PIP5K1B: variants seen among roughly 807,000 people sequenced by gnomAD.
PIP5K1B encodes phosphatidylinositol-4-phosphate 5-kinase type 1 beta, also known as phosphatidylinositol 4-phosphate 5-kinase type-1 beta.
PIP5K1B carries 42 observed loss-of-function variants against 67.0 expected under a neutral mutation model. The ratio of observed to expected loss-of-function variants is 0.63; its 90% CI spans 0.49 to 0.81. PIP5K1B has a LOEUF of 0.81. PIP5K1B is among the 30% of genes least tolerant of loss of function. PIP5K1B has a pLI of 0.00. For missense variants in PIP5K1B, 459 were observed against 646.3 expected (o/e 0.71, Z 3.14); for synonymous variants, 214 against 231.4 (o/e 0.92, Z 0.68).
chr9:68,778,611 A>G lies in PIP5K1B; in HGVS notation c.-86+35954A>G, dbSNP rs149090177. Among the ~76,000 whole-genome samples, 1,023 of 152,274 alleles carry G rather than the reference A, an allele frequency of 6.7e-3. 6 individuals are homozygous for G. Among genetic ancestry groups the G allele is most frequent in the Non-Finnish European group, 0.011 (726 of 68,004 alleles). On this transcript the variant is annotated intron_variant, in intron 2 of 15. Coordinates refer to ENST00000265382, the MANE Select transcript of PIP5K1B (RefSeq NM_003558.4). Reference sequence around the variant, plus strand: ...ACCCTAGTCCAAGAATCTTATCTGTACTGTTGCCATAGGTCCTGAATTCAT... The same window carrying G: ...ACCCTAGTCCAAGAATCTTATCTGTGCTGTTGCCATAGGTCCTGAATTCAT...
At chr9:68,797,983 A>G (rs1272440878) in intron 2 of PIP5K1B, among the ~76,000 whole-genome samples, 1 of 152,258 alleles carries the variant, frequency 6.6e-6, no homozygotes, top group East Asian at 1.9e-4. Context: ...TATTTTCCAC[A>G]TTAAATAAGG....
chr9:68,797,090 G>A (rs1368366252), intron 2 of PIP5K1B, among the ~76,000 whole-genome samples: 1 of 152,196 alleles, frequency 6.6e-6, no homozygotes, highest in Non-Finnish European at 1.5e-5. Flanking sequence ...TGTGGTGAAT[G>A]AATACTTACT....
At chr9:68,902,816 G>A (rs574002617) in intron 8 of PIP5K1B, among the ~76,000 whole-genome samples, 15 of 152,264 alleles carry the variant, frequency 9.9e-5, no homozygotes, top group African/African-American at 1.4e-4. Context: ...TGGTAAGTGT[G>A]TATTTAAGTC....
At chr9:68,781,174 G>C (rs1304201952) in intron 2 of PIP5K1B, 1 of 1,111,820 alleles carries the variant, frequency 9.0e-7, no homozygotes, top group Non-Finnish European at 1.3e-6. Context: ...TGTTATTCTA[G>C]AGAACTTCTA....
At chr9:68,733,956 G>T (rs541696736) in intron 1 of PIP5K1B, among the ~76,000 whole-genome samples, 1 of 152,094 alleles carries the variant, frequency 6.6e-6, no homozygotes, top group Non-Finnish European at 1.5e-5. Flanking sequence ...ACTCTTTAAA[G>T]GATCATTTAA....
At chr9:68,943,803 C>G (rs565665886) in intron 14 of PIP5K1B, among the ~76,000 whole-genome samples, 2 of 152,254 alleles carry the variant, frequency 1.3e-5, no homozygotes, top group South Asian at 4.1e-4. Context: ...TGTATCTGTG[C>G]TAAAATAAGC....
intron 2 of PIP5K1B, among the ~76,000 whole-genome samples, chr9:68,768,592 C>T (rs964335006): frequency 6.6e-6 from 1 of 152,186 alleles, no homozygotes; most frequent in Admixed American, 6.5e-5. Flanking sequence ...CCTTTAGAAC[C>T]TTTTGATTAG....
At chr9:68,898,259 G>A (rs1390231653) in intron 8 of PIP5K1B, among the ~76,000 whole-genome samples, 2 of 152,100 alleles carry the variant, frequency 1.3e-5, no homozygotes, top group African/African-American at 4.8e-5. Flanking sequence ...CCAAAAGCAG[G>A]CATCCAGATG....
intron 4 of PIP5K1B, among the ~76,000 whole-genome samples, chr9:68,862,978 A>G (rs1823174872): frequency 6.6e-6 from 1 of 152,120 alleles, no homozygotes; most frequent in Non-Finnish European, 1.5e-5. Flanking sequence ...GATGGGTCTT[A>G]GATTTGCTAA....
At chr9:68,768,065 G>A (rs949316352) in intron 2 of PIP5K1B, among the ~76,000 whole-genome samples, 6 of 152,166 alleles carry the variant, frequency 3.9e-5, no homozygotes, top group African/African-American at 1.4e-4. Context: ...ATTATAAACT[G>A]TACACGGAAA....
intron 2 of PIP5K1B, chr9:68,780,027 G>A (rs909786374): frequency 8.4e-7 from 1 of 1,187,900 alleles, no homozygotes; most frequent in Non-Finnish European, 1.1e-6. Flanking sequence ...GCGCCTGCGC[G>A]AAGGGCTACG....
At chr9:68,774,536 A>G (rs970356130) in intron 2 of PIP5K1B, among the ~76,000 whole-genome samples, 2 of 152,182 alleles carry the variant, frequency 1.3e-5, no homozygotes, top group African/African-American at 4.8e-5. Context: ...TTTAAGATCT[A>G]ACTTTATATA....
At chr9:68,805,274 C>A (rs59646983) in intron 2 of PIP5K1B, among the ~76,000 whole-genome samples, 1 of 152,082 alleles carries the variant, frequency 6.6e-6, no homozygotes, top group Non-Finnish European at 1.5e-5. Context: ...GGTGGAGGAG[C>A]GGCCAGAGAT....
chr9:68,979,455 CAT>C (rs1242940515), intron 14 of PIP5K1B, among the ~76,000 whole-genome samples: 1 of 117,176 alleles, frequency 8.5e-6, no homozygotes, highest in East Asian at 2.5e-4. Context: ...AAACAAATCT[CAT>C]AGCGATATAC....
intron 2 of PIP5K1B, chr9:68,782,399 T>C (rs1831341205): frequency 6.0e-6 from 1 of 166,960 alleles, no homozygotes; most frequent in African/African-American, 2.4e-5. Flanking sequence ...ACAAAATGTT[T>C]AATAAGAATA....
intron 14 of PIP5K1B, among the ~76,000 whole-genome samples, chr9:68,948,330 T>C (rs1038785886): frequency 6.6e-6 from 1 of 152,178 alleles, no homozygotes; most frequent in African/African-American, 2.4e-5. Flanking sequence ...CTGAGGCACA[T>C]GCTGAAAAAG....
intron 2 of PIP5K1B, among the ~76,000 whole-genome samples, chr9:68,798,667 C>T (rs902465670): frequency 2.0e-5 from 3 of 152,084 alleles, no homozygotes; most frequent in Non-Finnish European, 4.4e-5. Context: ...ACAGACCACA[C>T]GGGGTCTTAT....
intron 2 of PIP5K1B, among the ~76,000 whole-genome samples, chr9:68,815,666 A>G (rs565361184): frequency 1.3e-5 from 2 of 152,258 alleles, no homozygotes; most frequent in African/African-American, 2.4e-5. Context: ...GTGAGTGCGT[A>G]TAAAGAAAGC....
chr9:68,722,877 A>G (rs1024958705), intron 1 of PIP5K1B, among the ~76,000 whole-genome samples: 1 of 152,108 alleles, frequency 6.6e-6, no homozygotes, highest in African/African-American at 2.4e-5. Flanking sequence ...TCCCTACTGT[A>G]CTATAAAATA....
Sources: gnomAD v4.1 joint callset for allele counts (sites outside exome capture counted in the v4.1 genomes callset) on GRCh38, gnomAD v4.1.1 for gene constraint, MANE v1.5 for transcripts, NCBI Gene and HGNC (gene_info 2026-07-23, HGNC 2026-07-21) for gene names.